The following UNC5C variants were observed in gnomAD, a reference collection of about 807,000 sequenced individuals.
UNC5C encodes the protein netrin receptor UNC5C.
Under a neutral mutation model 99.8 loss-of-function variants are expected in UNC5C, and 47 were observed. The observed-to-expected ratio is 0.47, with a 90% CI of 0.37 to 0.60. The LOEUF (loss-of-function observed/expected upper bound fraction) is 0.60. Among genes scored for constraint, UNC5C ranks in the 20% least tolerant of loss-of-function variants. The pLI, the probability that UNC5C is intolerant of heterozygous loss-of-function variation, is 0.00. For missense variants in UNC5C, 1,062 were observed against 1,165.9 expected (o/e 0.91, Z 1.30); for synonymous variants, 487 against 452.2 (o/e 1.08, Z -0.98).
intron 14 of UNC5C, among the ~76,000 whole-genome samples, chr4:95,171,967 A>G (rs1736135560): frequency 6.7e-6 from 1 of 150,070 alleles, no homozygotes. Flanking sequence ...TGTGGTTTTG[A>G]TTTGCATTTC....
At chr4:95,264,116 G>T (rs1252668331) in intron 4 of UNC5C, among the ~76,000 whole-genome samples, 1 of 152,142 alleles carries the variant, frequency 6.6e-6, no homozygotes, top group Non-Finnish European at 1.5e-5. Context: ...CTGGGGTGAG[G>T]ATGCTGAGCA....
intron 4 of UNC5C, among the ~76,000 whole-genome samples, chr4:95,267,922 A>G (rs532839090): frequency 1.3e-5 from 2 of 149,840 alleles, no homozygotes; most frequent in African/African-American, 2.5e-5. Flanking sequence ...AACACCTTCA[A>G]TATGATCCTG....
chr4:95,534,026 T>C (rs1722715426), intron 1 of UNC5C, among the ~76,000 whole-genome samples: 1 of 150,092 alleles, frequency 6.7e-6, no homozygotes, highest in South Asian at 2.1e-4. Flanking sequence ...AGATAAAACA[T>C]TTTTATAATT....
At chr4:95,370,664 G>A (rs1219033761) in intron 1 of UNC5C, among the ~76,000 whole-genome samples, 1 of 152,170 alleles carries the variant, frequency 6.6e-6, no homozygotes, top group South Asian at 2.1e-4. Context: ...TTGGCAGCTT[G>A]ATTTGTGTTT....
chr4:95,471,730 T>C (rs1747974662), intron 1 of UNC5C, among the ~76,000 whole-genome samples: 1 of 152,196 alleles, frequency 6.6e-6, no homozygotes, highest in South Asian at 2.1e-4. Context: ...TTTGAGGGGA[T>C]GCCCCTGTTA....
chr4:95,483,056 G>C (rs1233524065), intron 1 of UNC5C, among the ~76,000 whole-genome samples: 2 of 120,008 alleles, frequency 1.7e-5, no homozygotes, highest in Non-Finnish European at 3.8e-5. Flanking sequence ...AACACATGCA[G>C]TAATAAAAAA....
chr4:95,475,896 G>A (rs1261867357), intron 1 of UNC5C, among the ~76,000 whole-genome samples: 1 of 152,062 alleles, frequency 6.6e-6, no homozygotes, highest in Non-Finnish European at 1.5e-5. Context: ...TACATCTTAT[G>A]ACAATAAAGT....
At chr4:95,250,747 A>G in intron 4 of UNC5C, 80 bp from the exon 5 acceptor site, 1 of 1,410,904 alleles carries the variant, frequency 7.1e-7, no homozygotes, top group Non-Finnish European at 9.8e-7. Context: ...CATTTTGTAC[A>G]CTTGATCTTA....
chr4:95,457,801 T>C (rs976889161), intron 1 of UNC5C, among the ~76,000 whole-genome samples: 1 of 152,112 alleles, frequency 6.6e-6, no homozygotes, highest in Non-Finnish European at 1.5e-5. Context: ...CAGCGAATTC[T>C]GCTTTACAAC....
intron 1 of UNC5C, among the ~76,000 whole-genome samples, chr4:95,471,365 T>C (rs1747963235): frequency 6.6e-6 from 1 of 152,080 alleles, no homozygotes; most frequent in South Asian, 2.1e-4. Context: ...AATAGAAAGA[T>C]GACACCACTC....
chr4:95,514,515 T>C (rs546711076), intron 1 of UNC5C, among the ~76,000 whole-genome samples: 1 of 151,926 alleles, frequency 6.6e-6, no homozygotes, highest in Admixed American at 6.6e-5. Context: ...TAATTTACTG[T>C]ATCTTTCCTT....
chr4:95,181,294 A>G (rs1736601369), intron 14 of UNC5C, among the ~76,000 whole-genome samples: 2 of 152,226 alleles, frequency 1.3e-5, no homozygotes, highest in Non-Finnish European at 2.9e-5. Context: ...TAAGAAAGCA[A>G]AAGCCCTTAA....
chr4:95,180,005 A>C (rs561006404), intron 14 of UNC5C, among the ~76,000 whole-genome samples: 1 of 150,640 alleles, frequency 6.6e-6, no homozygotes, highest in Non-Finnish European at 1.5e-5. Context: ...TTGATGACAG[A>C]CCCCCCCCAC....
intron 1 of UNC5C, among the ~76,000 whole-genome samples, chr4:95,474,254 A>G (rs1392817803): frequency 6.6e-6 from 1 of 152,062 alleles, no homozygotes. Context: ...ACATACACAC[A>G]CACGTGTGTG....
intron 13 of UNC5C, among the ~76,000 whole-genome samples, chr4:95,184,820 A>AAAAAT (rs1736764508): frequency 2.0e-5 from 3 of 152,320 alleles, no homozygotes; most frequent in South Asian, 4.1e-4. Context: ...TTCATTTATT[A>AAAAAT]AAAATAAAAC....
chr4:95,248,663 T>G (rs1395366440), intron 5 of UNC5C: 1 of 434,092 alleles, frequency 2.3e-6, no homozygotes, highest in East Asian at 7.1e-5. Flanking sequence ...TATTTTGGGG[T>G]GACAAATTCT....
At chr4:95,466,302 G>A (rs542352756) in intron 1 of UNC5C, among the ~76,000 whole-genome samples, 2 of 152,216 alleles carry the variant, frequency 1.3e-5, no homozygotes, top group South Asian at 2.1e-4. Flanking sequence ...AATCCTGGCC[G>A]TTGCGGAGCT....
At chr4:95,291,820 T>A (rs1305239262) in intron 3 of UNC5C, among the ~76,000 whole-genome samples, 1 of 152,196 alleles carries the variant, frequency 6.6e-6, no homozygotes, top group Non-Finnish European at 1.5e-5. Flanking sequence ...TTTAATCTTA[T>A]CCAATTCAAA....
chr4:95,399,624 G>A (rs1163029042), intron 1 of UNC5C, among the ~76,000 whole-genome samples: 2 of 152,118 alleles, frequency 1.3e-5, no homozygotes, highest in African/African-American at 4.8e-5. Context: ...TCCTGCCTCA[G>A]GGCCTTTGCT....
Sources: allele counts gnomAD v4.1 joint callset (sites outside exome capture counted in the v4.1 genomes callset), GRCh38; gene constraint gnomAD v4.1.1; transcripts MANE v1.5; gene names NCBI Gene and HGNC (gene_info 2026-07-23, HGNC 2026-07-21).